The following UACA variants were observed in gnomAD, a reference collection of about 807,000 sequenced individuals.
UACA encodes the protein uveal autoantigen with coiled-coil domains and ankyrin repeats, also known as nuclear membrane binding protein.
In UACA, 112 loss-of-function variants were observed where a neutral mutation model predicts 160.5. The ratio of observed to expected loss-of-function variants is 0.70; its 90% CI spans 0.60 to 0.82. The LOEUF (loss-of-function observed/expected upper bound fraction) is 0.82. Ranked by LOEUF, UACA falls within the 40% of genes least tolerant of loss-of-function variation. The pLI, the probability that UACA is intolerant of heterozygous loss-of-function variation, is 0.00. For synonymous variants in UACA, 557 were observed against 568.4 expected (o/e 0.98, Z 0.29); for missense variants, 1,574 against 1,614.6 (o/e 0.97, Z 0.43).
At chr15:70,772,260 G>A in the UACA span, among the ~76,000 whole-genome samples, 1,343 of 151,756 alleles carry the variant, frequency 8.8e-3, 15 homozygotes, top group African/African-American at 0.031. Flanking sequence ...TTGGGAGGCC[G>A]AGGCGGGTGG....
chr15:70,703,147 C>A (rs904318346), intron 1 of UACA: 2 of 1,288,976 alleles, frequency 1.6e-6, no homozygotes, highest in Non-Finnish European at 2.0e-6. Context: ...TTACCAAGGC[C>A]GGTGCAAATT....
chr15:70,682,490 G>GA (rs1897546168), intron 9 of UACA, among the ~76,000 whole-genome samples: 1 of 152,074 alleles, frequency 6.6e-6, no homozygotes, highest in Admixed American at 6.6e-5. Context: ...TGAAAAAACT[G>GA]AATGCTCACG....
intron 7 of UACA, 24 bp from the exon 8 acceptor site, chr15:70,684,470 A>G (rs1168740000): frequency 1.3e-6 from 2 of 1,584,498 alleles, no homozygotes; most frequent in East Asian, 2.2e-5. Flanking sequence ...TGGAAGAGCA[A>G]AAGACTGAGA....
intron 13 of UACA, among the ~76,000 whole-genome samples, chr15:70,676,068 A>T (rs2140920252): frequency 6.6e-6 from 1 of 152,336 alleles, no homozygotes; most frequent in East Asian, 1.9e-4. Flanking sequence ...ACAAAGACAA[A>T]AGATTCATGC....
chr15:70,746,421 CA>C (rs1899709228), intron 1 of UACA, among the ~76,000 whole-genome samples: 1 of 152,110 alleles, frequency 6.6e-6, no homozygotes, highest in Non-Finnish European at 1.5e-5. Context: ...AAATGCAAAT[CA>C]AAACCACAAT....
intron 1 of UACA, among the ~76,000 whole-genome samples, chr15:70,743,883 AG>A (rs1297205888): frequency 6.6e-6 from 1 of 152,200 alleles, no homozygotes; most frequent in Non-Finnish European, 1.5e-5. Context: ...TATAAAGATT[AG>A]AAAAGGTAAA....
chr15:70,717,899 AG>A (rs1237212554), intron 1 of UACA, among the ~76,000 whole-genome samples: 2 of 152,096 alleles, frequency 1.3e-5, no homozygotes, highest in African/African-American at 4.8e-5. Flanking sequence ...CAGGATTCCC[AG>A]AGAAGAAGCA....
chr15:70,742,171 A>G (rs1899558112), intron 1 of UACA, among the ~76,000 whole-genome samples: 1 of 152,250 alleles, frequency 6.6e-6, no homozygotes. Context: ...TTCTTTCATT[A>G]AGGCTAAATT....
chr15:70,749,449 C>T (rs1899816032), intron 1 of UACA, among the ~76,000 whole-genome samples: 1 of 151,840 alleles, frequency 6.6e-6, no homozygotes, highest in Non-Finnish European at 1.5e-5. Context: ...TGACGTGAAC[C>T]CGGGAGGTGG....
At chr15:70,712,487 T>TACC (rs934563765) in intron 1 of UACA, among the ~76,000 whole-genome samples, 1 of 152,154 alleles carries the variant, frequency 6.6e-6, no homozygotes, top group Admixed American at 6.5e-5. Context: ...AACCTAATCA[T>TACC]ACCACCACCA....
At chr15:70,675,850 G>C (rs1359053404) in intron 13 of UACA, among the ~76,000 whole-genome samples, 1 of 152,184 alleles carries the variant, frequency 6.6e-6, no homozygotes, top group African/African-American at 2.4e-5. Context: ...GCTTCACTTA[G>C]GCTCCTTTTT....
intron 1 of UACA, among the ~76,000 whole-genome samples, chr15:70,756,389 G>A (rs1353712117): frequency 2.0e-5 from 3 of 151,618 alleles, no homozygotes; most frequent in African/African-American, 4.8e-5. Flanking sequence ...TCGAACTCCT[G>A]ACCTCAAGCG....
At chr15:70,692,300 T>C (rs1431009131) in intron 3 of UACA, among the ~76,000 whole-genome samples, 1 of 152,156 alleles carries the variant, frequency 6.6e-6, no homozygotes, top group East Asian at 1.9e-4. Context: ...TAACAGGGAC[T>C]ATAGGCTCGT....
At chr15:70,675,258 A>G (rs559309101) in intron 13 of UACA, among the ~76,000 whole-genome samples, 2 of 152,354 alleles carry the variant, frequency 1.3e-5, no homozygotes, top group Non-Finnish European at 2.9e-5. Context: ...CTATTAAAAT[A>G]TTAGCAATCA....
At chr15:70,759,263 A>G (rs182129547) in intron 1 of UACA, among the ~76,000 whole-genome samples, 1 of 152,348 alleles carries the variant, frequency 6.6e-6, no homozygotes, top group East Asian at 1.9e-4. Context: ...CACTATACAT[A>G]TAACTGAACA....
In UACA at chr15:70,669,007, TTCTGCTGAAGCACCTTC is replaced by T; in HGVS notation, c.1660_1676del (p.Glu554SerfsTer12). 1 of 1,613,920 alleles carries T rather than the reference TTCTGCTGAAGCACCTTC, an allele frequency of 6.2e-7. No homozygotes were observed. The highest frequency in any genetic ancestry group is 2.2e-5 in the East Asian group (1 of 44,868). On this transcript the variant is annotated frameshift_variant, in exon 16 of 19. Transcript: ENST00000322954. LOFTEE classifies it high-confidence loss of function. ...TGATTTGGTTTCTTAATTTCCCCAC[TTCTGCTGAAGCACCTTC>T]ATATTTTACTTTCAAGTCTTTCAAC...
At chr15:70,744,232 G>A (rs1209149409) in intron 1 of UACA, among the ~76,000 whole-genome samples, 2 of 131,188 alleles carry the variant, frequency 1.5e-5, no homozygotes, top group Non-Finnish European at 3.1e-5. Flanking sequence ...CTGGGCGACA[G>A]AGCAAGACTC....
chr15:70,752,267 G>A (rs1450086281), intron 1 of UACA, among the ~76,000 whole-genome samples: 1 of 148,928 alleles, frequency 6.7e-6, no homozygotes, highest in African/African-American at 2.5e-5. Flanking sequence ...AACTTCTCAC[G>A]TGTAAATCAG....
chr15:70,744,264 A>G (rs886509628), intron 1 of UACA, among the ~76,000 whole-genome samples: 7 of 150,742 alleles, frequency 4.6e-5, no homozygotes, highest in South Asian at 2.1e-4. Context: ...AAAAAAAAAA[A>G]AAAAGAAAGA....
Sources: allele counts gnomAD v4.1 joint callset (sites outside exome capture counted in the v4.1 genomes callset), GRCh38; gene constraint gnomAD v4.1.1; transcripts MANE v1.5; gene names NCBI Gene and HGNC (gene_info 2026-07-23, HGNC 2026-07-21).